MAST1: variants seen among roughly 807,000 people sequenced by gnomAD.
MAST1 encodes the protein microtubule-associated serine/threonine-protein kinase 1.
Under a neutral mutation model 124.6 loss-of-function variants are expected in MAST1, and 40 were observed. The ratio of observed to expected loss-of-function variants is 0.32; its 90% CI spans 0.25 to 0.42. The LOEUF (loss-of-function observed/expected upper bound fraction) is 0.42, where lower values mean the gene tolerates loss of function less well. Among genes scored for constraint, MAST1 ranks in the 10% least tolerant of loss-of-function variants. The pLI is 1.00. For missense variants in MAST1, 1,558 were observed against 2,181.9 expected, an observed-to-expected ratio of 0.71 and a Z score of 5.70; for synonymous variants, 938 against 939.4, an observed-to-expected ratio of 1.00 and a Z score of 0.03.
Position 12,840,119 on chromosome 19 carries a change from T to C in MAST1, c.84-327T>C, listed in dbSNP as rs576619101. Among the ~76,000 whole-genome samples the C allele has an allele frequency of 1.3e-3, 202 of 152,314 alleles. 2 individuals are homozygous for C. Among genetic ancestry groups the C allele is most frequent in the Non-Finnish European group, 7.3e-5 (5 of 68,030 alleles). ...ACAGTGGATACCACACGTGGATACC[T>C]ACAGTGAATGTCACGCATAGACTGA... is the stretch of plus-strand genomic sequence containing the variant. On this transcript the variant is annotated intron_variant, in intron 1 of 25. Coordinates refer to ENST00000251472, the MANE Select transcript of MAST1 (RefSeq NM_014975.3).
chr19:12,868,504 G>A, intron 20 of MAST1, 139 bp from the exon 21 acceptor site: 1 of 684,058 alleles, frequency 1.5e-6, no homozygotes, highest in South Asian at 1.8e-5. Context: ...GGAGCAGTGA[G>A]GCATGCAGGT....
intron 3 of MAST1, among the ~76,000 whole-genome samples, chr19:12,842,910 G>T (rs1330661468): frequency 6.6e-6 from 1 of 152,136 alleles, no homozygotes; most frequent in East Asian, 1.9e-4. Context: ...GTGTGTGAGA[G>T]TGTGATATTT....
rs759356459 is a variant in MAST1, at chr19:12,840,552, G to A, written c.172+18G>A. 5 of 1,588,764 alleles carry A rather than the reference G, an allele frequency of 3.1e-6. No homozygotes were observed. The South Asian group carries it at 5.6e-5, about 18-fold the overall frequency. On this transcript the variant is annotated intron_variant, in intron 2 of 25. Transcript: ENST00000251472. ...TCACCTAGGTGAGGCCAGTGGTAGA[G>A]ACTTGGTGGGTGCAGACTGGCCTAC... is the stretch of plus-strand genomic sequence containing the variant.
In MAST1 at chr19:12,866,080, A is replaced by G. The variant is rs1213997755; in HGVS notation, c.2007A>G (p.Glu669=). 6.2e-7 allele frequency: 1 copy of G among 1,614,088 alleles called. No homozygotes were observed. Among genetic ancestry groups the G allele is most frequent in the South Asian group, 1.1e-5 (1 of 91,090 alleles). The change falls in exon 17 of 26, where the codon GAA becomes GAG. Residue 669 remains glutamate (E), a synonymous_variant. Transcript: ENST00000251472. This position sits in a 1 kb window ranked among gnomAD's most constrained non-coding sequence, Gnocchi z 5.2. ...KAEFIPHLES[E]DDTSYFDTRS... is the part of the protein sequence containing the mutation. The stretch of plus-strand genomic sequence containing the variant: ...AGTTCATCCCCCACCTAGAGTCGGA[A>G]GATGACACTAGCTACTTTGACAGTG...
At position 12,874,232 on chromosome 19, in the gene MAST1, G is replaced by C. The variant is rs1431061359; in HGVS notation, c.4075G>C (p.Glu1359Gln). The stretch of plus-strand genomic sequence containing the variant: ...CTCCAGGCCACCAGTGTCGAGCAAG[G>C]AGAAGGAATCCCCGGGGGGCGCCGA... Reference protein sequence around the residue: ...GASRPPVSSKEKESPGGAEAC... With the variant: ...GASRPPVSSKQKESPGGAEAC... Residue 1359 changes from glutamate (E) to glutamine (Q), a missense_variant, in exon 26 of 26, where the codon GAG (glutamate) becomes CAG (glutamine). Glu to Gln is a conservative substitution (Grantham distance 29). Coordinates refer to ENST00000251472, the MANE Select transcript of MAST1 (RefSeq NM_014975.3). The surrounding 1 kb of genome is among the most constrained non-coding windows in gnomAD (Gnocchi z 6.6). 6.4e-7 allele frequency: 1 copy of C among 1,553,130 alleles called. No individual in the cohort carries two copies. The highest frequency in any genetic ancestry group is 1.9e-5 in the Admixed American group (1 of 52,908).
At chr19:12,840,093 T>C (rs1304876815) in intron 1 of MAST1, among the ~76,000 whole-genome samples, 2 of 152,184 alleles carry the variant, frequency 1.3e-5, no homozygotes, top group African/African-American at 4.8e-5. Flanking sequence ...GTTGAATTCA[T>C]ACAGTGGATA....
chr19:12,854,159 T>A (rs892359809), intron 10 of MAST1, among the ~76,000 whole-genome samples: 6 of 150,638 alleles, frequency 4.0e-5, no homozygotes, highest in Admixed American at 3.3e-4. Flanking sequence ...ATTTCACTCT[T>A]GTTGCCCAGG....
At chr19:12,842,884 G>T (rs780588234) in intron 3 of MAST1, among the ~76,000 whole-genome samples, 3 of 152,144 alleles carry the variant, frequency 2.0e-5, no homozygotes, top group South Asian at 2.1e-4. Context: ...GGTCTTGCAC[G>T]CGTGATTGTG....
intron 7 of MAST1, chr19:12,848,848 C>T (rs958383776): frequency 1.3e-5 from 2 of 152,176 alleles, no homozygotes; most frequent in African/African-American, 2.4e-5. Flanking sequence ...ATCCCAACTA[C>T]TTGGGAGGCA....
At chr19:12,840,317 C>T in intron 1 of MAST1, 129 bp from the exon 2 acceptor site, 1 of 662,502 alleles carries the variant, frequency 1.5e-6, no homozygotes, top group Non-Finnish European at 2.7e-6. Context: ...GAGAAACCCT[C>T]CCAGGGAGCC....
At position 12,866,593 on chromosome 19, in the gene MAST1, G is replaced by A. The variant is rs2145908361; in HGVS notation, c.2030-60G>A. ...TCTTGAACCAGGACTGGGCTCCTGT[G>A]GGGATGTGATATGAGGAGGAACCCC... is the stretch of plus-strand genomic sequence containing the variant. On this transcript the variant is annotated intron_variant, in intron 17 of 25. Transcript: ENST00000251472. This position sits in a 1 kb window ranked among gnomAD's most constrained non-coding sequence, Gnocchi z 5.2. 9.0e-7 allele frequency: 1 copy of A among 1,110,462 alleles called. No homozygotes were observed. Among genetic ancestry groups the A allele is most frequent in the Non-Finnish European group, 1.4e-6 (1 of 739,022 alleles). The allele number at this position is 1,110,462 out of a possible 1,614,324, so 68.8% of individuals were successfully genotyped here. A position where few individuals can be genotyped will look rare whatever the true frequency, so the allele number is the denominator to read the frequency against.
At chr19:12,849,199 C>T (rs931049058) in intron 7 of MAST1, among the ~76,000 whole-genome samples, 3 of 152,132 alleles carry the variant, frequency 2.0e-5, no homozygotes, top group Non-Finnish European at 4.4e-5. Context: ...ACCCAGCACA[C>T]AGTAGGTACT....
Position 12,847,666 on chromosome 19 carries a change from C to T in MAST1, c.543C>T (p.Val181=), listed in dbSNP as rs1293576096. 4.3e-6 allele frequency: 7 copies of T among 1,613,942 alleles called. No individual in the cohort carries two copies. The highest frequency in any genetic ancestry group is 1.3e-5 in the African/African-American group (1 of 74,916). Residue 181 remains valine (V), a synonymous_variant, in exon 6 of 26, where the codon GTC becomes GTT. Coordinates refer to ENST00000251472, the MANE Select transcript of MAST1 (RefSeq NM_014975.3). The surrounding 1 kb of genome is among the most constrained non-coding windows in gnomAD (Gnocchi z 5.5). ...ACGAGATCGTGATGATGAATCACGT[C>T]TACAAGGAGAGGTTCCCGAAGGTGA... The part of the protein sequence containing the change: ...YDNEIVMMNH[V]YKERFPKATA...
chr19:12,873,879 C>A lies in MAST1; in HGVS notation c.3722C>A (p.Ser1241Ter). Reference sequence around the variant, plus strand: ...CAGAGCTTCCCGGCCAAACTGCACTCATCGCCTCCCGTCGTGCGCCCGCGC... The same window carrying A: ...CAGAGCTTCCCGGCCAAACTGCACTAATCGCCTCCCGTCGTGCGCCCGCGC... ...TTQSFPAKLH[S>*]SPPVVRPRPK... Residue 1241 changes from serine (S) to a stop codon, truncating the protein, a stop_gained, in exon 26 of 26, where the codon TCA becomes TAA. Transcript: ENST00000251472. LOFTEE classifies it low-confidence loss of function (END_TRUNC). 6.3e-7 allele frequency: 1 copy of A among 1,581,584 alleles called. No individual in the cohort carries two copies. The highest frequency in any genetic ancestry group is 8.5e-7 in the Non-Finnish European group (1 of 1,171,750).
intron 4 of MAST1, among the ~76,000 whole-genome samples, chr19:12,844,206 C>T (rs1459989009): frequency 1.3e-5 from 2 of 152,192 alleles, no homozygotes; most frequent in Admixed American, 1.3e-4. Context: ...AAGCCATTTA[C>T]TCTGATATCA....
chr19:12,858,308 G>A (rs888785494), intron 10 of MAST1, 54 bp from the exon 11 acceptor site: 6 of 1,448,666 alleles, frequency 4.1e-6, no homozygotes, highest in Non-Finnish European at 5.7e-6. Flanking sequence ...GAAATTAAAA[G>A]CATCCTGCTC....
intron 7 of MAST1, chr19:12,848,650 A>G (rs1035527581): frequency 2.0e-5 from 3 of 149,942 alleles, no homozygotes; most frequent in Non-Finnish European, 4.4e-5. Context: ...AGTAAATAAA[A>G]TAAAATAAAA....
rs200156890 is a variant in MAST1 at position 12,868,014 on chromosome 19, C to G, written c.2566+37C>G. The G allele has an allele frequency of 9.9e-6, 15 of 1,510,446 alleles. 1 individual carries two copies. Among genetic ancestry groups the G allele is most frequent in the African/African-American group, 5.6e-5 (4 of 71,544 alleles). 93.6% of individuals were successfully genotyped at this position (1,510,446 alleles called of 1,614,324 possible). On this transcript the variant is annotated intron_variant, in intron 20 of 25. Transcript: ENST00000251472. ...ATCGTGCTGCCTTCCCCAATCTTCCCCAATGTCCTACTGGTCATATAGTGA... is the reference window on the plus strand; with the variant it reads ...ATCGTGCTGCCTTCCCCAATCTTCCGCAATGTCCTACTGGTCATATAGTGA...
rs753289387 is a variant in MAST1, at chr19:12,867,576, A to G, written c.2242A>G (p.Lys748Glu). The G allele has an allele frequency of 1.2e-6, 2 of 1,613,114 alleles. No homozygotes were observed. The highest frequency in any genetic ancestry group is 8.5e-7 in the Non-Finnish European group (1 of 1,179,696). Reference sequence around the variant, plus strand: ...GCCGAGCACCAAGGGCCCCGAGGAGAAGGTGGCCGGCAAGCGGGAGGGGCT... The same window carrying G: ...GCCGAGCACCAAGGGCCCCGAGGAGGAGGTGGCCGGCAAGCGGGAGGGGCT... ...REPSTKGPEE[K>E]VAGKREGLGG... Residue 748 changes from lysine to glutamate, a missense_variant, in exon 19 of 26, where the codon AAG becomes GAG. Physicochemically the swap from Lys to Glu is moderately conservative, Grantham distance 56. This residue lies in a region of MAST1 where 287 missense variants were observed against 308.0 expected (regional missense o/e 0.93). Transcript: ENST00000251472.
Sources: gnomAD v4.1 joint callset for allele counts (sites outside exome capture counted in the v4.1 genomes callset) on GRCh38, gnomAD v4.1.1 for gene constraint, gnomAD v4.1.1 regional missense constraint, Gnocchi (gnomAD v3.1) non-coding constraint, MANE v1.5 for transcripts, NCBI Gene and HGNC (gene_info 2026-07-23, HGNC 2026-07-21) for gene names.